Variants in MPP3 observed in about 807,000 individuals in gnomAD.
MPP3 encodes MAGUK p55 subfamily member 3.
In MPP3, 48 loss-of-function variants were observed where a neutral mutation model predicts 80.7. The ratio of observed to expected loss-of-function variants is 0.59; its 90% CI spans 0.47 to 0.76. The LOEUF is 0.76. Among genes scored for constraint, MPP3 ranks in the 30% least tolerant of loss-of-function variants. MPP3 has a pLI of 0.00. For missense variants in MPP3, 620 were observed against 763.0 expected (o/e 0.81, Z 2.21); for synonymous variants, 311 against 297.6 (o/e 1.04, Z -0.46).
Position 43,801,343 on chromosome 17 carries a change from A to AC in MPP3, c.*357_*358insG, listed in dbSNP as rs373695796. On this transcript the variant is annotated 3_prime_UTR_variant, in exon 20 of 20. Transcript: ENST00000398389. ...AACTACTAAGCGTCACTATGTTTAA[A>AC]AAGCTTAAACATTCTGCGAATCAGT... The AC allele has an allele frequency of 2.2e-4, 38 of 173,210 alleles. No homozygotes were observed. The highest frequency in any genetic ancestry group is 7.0e-4 in the Admixed American group (11 of 15,724). 10.7% of individuals were successfully genotyped at this position (173,210 alleles called of 1,614,324 possible).
chr17:43,813,983 A>G (rs1440874030), intron 16 of MPP3, 28 bp downstream of exon 16: 16 of 1,557,988 alleles, frequency 1.0e-5, no homozygotes, highest in Non-Finnish European at 1.4e-5. Context: ...GTGCAGACAA[A>G]CACACACTCC....
intron 14 of MPP3, among the ~76,000 whole-genome samples, chr17:43,815,577 G>A (rs1254364566): frequency 1.3e-5 from 2 of 152,070 alleles, no homozygotes; most frequent in East Asian, 1.9e-4. Context: ...CTGCACTCCA[G>A]CGTGAGAGAC....
chr17:43,818,195 C>A, intron 11 of MPP3, 85 bp from the exon 12 acceptor site: 1 of 1,271,154 alleles, frequency 7.9e-7, no homozygotes, highest in South Asian at 1.7e-5. Context: ...CTTGGGAAGC[C>A]AAGGCCTGGA....
chr17:43,829,978 A>C, intron 6 of MPP3, 49 bp downstream of exon 6: 1 of 1,588,728 alleles, frequency 6.3e-7, no homozygotes, highest in Non-Finnish European at 8.6e-7. Flanking sequence ...CTCCGCCCCC[A>C]TCCCAGGAGA....
intron 12 of MPP3, among the ~76,000 whole-genome samples, chr17:43,817,547 CATACTT>C (rs1258386579): frequency 2.0e-5 from 3 of 152,162 alleles, no homozygotes; most frequent in East Asian, 1.9e-4. Flanking sequence ...TACATAAAAA[CATACTT>C]ATACTAGAAA....
At chr17:43,810,655 A>G in intron 18 of MPP3, 152 bp downstream of exon 18, 1 of 627,292 alleles carries the variant, frequency 1.6e-6, no homozygotes, top group Admixed American at 2.9e-5. Context: ...CAAGGCTTTC[A>G]TTTGATTCTC....
rs752903257 is a variant in MPP3, at chr17:43,825,839, G to C, written c.526C>G (p.Leu176Val). 3 of 1,602,880 alleles carry C rather than the reference G, an allele frequency of 1.9e-6. No individual in the cohort carries two copies. In the South Asian group the frequency reaches 3.3e-5, roughly 18 times the overall value. The part of the protein sequence containing the change: ...MRGGAADRSG[L>V]VHVGDELREV... ...CGGAGCTCATCTCCAACGTGGACCA[G>C]GCCTAGGAGACACAGGGACTGACCA... is the stretch of plus-strand genomic sequence containing the variant. The change falls in exon 9 of 20, where the codon CTG (leucine) becomes GTG (valine). Residue 176 changes from leucine (L) to valine (V), a missense_variant and splice_region_variant. Transcript: ENST00000398389.
chr17:43,817,741 C>T (rs1037853960), intron 12 of MPP3, among the ~76,000 whole-genome samples: 2 of 152,208 alleles, frequency 1.3e-5, no homozygotes, highest in African/African-American at 2.4e-5. Context: ...GGGAATCTAA[C>T]GAAAGCTGTG....
chr17:43,828,384 G>A (rs571536593), intron 7 of MPP3, among the ~76,000 whole-genome samples: 23 of 152,296 alleles, frequency 1.5e-4, no homozygotes, highest in South Asian at 2.1e-4. Context: ...ACGAGCCCTC[G>A]ATTTCCTGCA....
At position 43,829,770 on chromosome 17, in the gene MPP3, T is replaced by C. The variant is rs1410041894; in HGVS notation, c.325A>G (p.Thr109Ala). Residue 109 changes from threonine to alanine, a missense_variant, in exon 7 of 20, where the codon ACG (threonine) becomes GCG (alanine). Thr to Ala is a moderately conservative substitution (Grantham distance 58). Transcript: ENST00000398389. Reference sequence around the variant, plus strand: ...GGGTCAAAATTCTTCTGGGCAACCGTGTCATGTACCATGAGCACAGCCTGC... The same window carrying C: ...GGGTCAAAATTCTTCTGGGCAACCGCGTCATGTACCATGAGCACAGCCTGC... Reference protein sequence around the residue: ...HLRAVLMVHDTVAQKNFDPVL... With the variant: ...HLRAVLMVHDAVAQKNFDPVL... 1.9e-6 allele frequency: 3 copies of C among 1,613,812 alleles called. No individual in the cohort carries two copies. The South Asian group carries it at 3.3e-5, about 18-fold the overall frequency.
In MPP3 at chr17:43,827,806, G is replaced by A. The variant is rs1245808550; in HGVS notation, c.468C>T (p.His156=). The change falls in exon 8 of 20, where the codon CAC becomes CAT. Residue 156 remains histidine (H), a synonymous_variant. Transcript: ENST00000398389. ...TCCTGGCCACCACAACAGCCCCTGA[G>A]TGCTCGTCCCGCCGGATGGTGGCAC... The part of the protein sequence containing the change: ...PLGATIRRDE[H]SGAVVVARIM... The A allele has an allele frequency of 4.3e-6, 7 of 1,613,104 alleles. No individual in the cohort carries two copies. The African/African-American group carries it at 5.3e-5, about 12-fold the overall frequency.
In MPP3 at chr17:43,829,747, G is replaced by A. The variant is rs554250915; in HGVS notation, c.348C>T (p.Asp116=). The change falls in exon 7 of 20, where the codon GAC becomes GAT. Residue 116 remains aspartate (D), a synonymous_variant. Transcript: ENST00000398389. ...VHDTVAQKNF[D]PVLPPLPDNI... is the part of the protein sequence containing the mutation. ...TGTCAGGCAGAGGCGGGAGAACGGGGTCAAAATTCTTCTGGGCAACCGTGT... is the reference window on the plus strand; with the variant it reads ...TGTCAGGCAGAGGCGGGAGAACGGGATCAAAATTCTTCTGGGCAACCGTGT... 37 of 1,614,050 alleles carry A rather than the reference G, an allele frequency of 2.3e-5. No individual in the cohort carries two copies. In the South Asian group the frequency reaches 3.8e-4, roughly 17 times the overall value.
intron 13 of MPP3, 30 bp from the exon 14 acceptor site, chr17:43,816,109 G>A: frequency 6.6e-7 from 1 of 1,506,450 alleles, no homozygotes; most frequent in East Asian, 2.6e-5. Flanking sequence ...AGGGAAGCCA[G>A]TGAGTCCCAC....
Position 43,801,805 on chromosome 17 carries a change from C to G in MPP3, c.1654G>C (p.Val552Leu), listed in dbSNP as rs753720984. Reference sequence around the variant, plus strand: ...CCCTGGAGATCCTCCTTCACCAGCACGGCGTCTACCAGGTGCCCGTAATGC... The same window carrying G: ...CCCTGGAGATCCTCCTTCACCAGCAGGGCGTCTACCAGGTGCCCGTAATGC... Reference protein sequence around the residue: ...DRHYGHLVDAVLVKEDLQGAY... With the variant: ...DRHYGHLVDALLVKEDLQGAY... The change falls in exon 20 of 20, where the codon GTG (valine) becomes CTG (leucine). Residue 552 changes from valine (V) to leucine (L), a missense_variant. Transcript: ENST00000398389. 1.9e-6 allele frequency: 3 copies of G among 1,614,040 alleles called. No individual in the cohort carries two copies. Among genetic ancestry groups the G allele is most frequent in the African/African-American group, 2.7e-5 (2 of 74,936 alleles).
chr17:43,807,831 A>C (rs1481353847), intron 19 of MPP3, among the ~76,000 whole-genome samples: 1 of 151,976 alleles, frequency 6.6e-6, no homozygotes, highest in Non-Finnish European at 1.5e-5. Flanking sequence ...TTGATGGTAC[A>C]TGCCTGTAGT....
At chr17:43,824,600 A>G (rs2045612914) in intron 9 of MPP3, among the ~76,000 whole-genome samples, 1 of 152,114 alleles carries the variant, frequency 6.6e-6, no homozygotes, top group African/African-American at 2.4e-5. Context: ...TCGGACCAGG[A>G]CAGCAGGGCC....
At chr17:43,808,894 A>C (rs1323297465) in intron 19 of MPP3, 62 bp downstream of exon 19, 1 of 1,550,740 alleles carries the variant, frequency 6.4e-7, no homozygotes, top group African/African-American at 1.4e-5. Context: ...ATGCAGCTAG[A>C]AGCGTTCCTG....
At chr17:43,830,162 C>T in intron 5 of MPP3, 55 bp from the exon 6 acceptor site, 12 of 1,330,220 alleles carry the variant, frequency 9.0e-6, no homozygotes, top group Non-Finnish European at 1.1e-5. Flanking sequence ...TGCCCCATAT[C>T]TGCTGGGTCC....
chr17:43,820,640 A>ACACACACACACG (rs2045405412), intron 11 of MPP3, among the ~76,000 whole-genome samples: 1 of 113,364 alleles, frequency 8.8e-6, no homozygotes, highest in African/African-American at 3.5e-5. Flanking sequence ...ACACACACAC[A>ACACACACACACG]TTAACTTAAT....
Sources: allele counts gnomAD v4.1 joint callset (sites outside exome capture counted in the v4.1 genomes callset), GRCh38; gene constraint gnomAD v4.1.1; transcripts MANE v1.5; gene names NCBI Gene and HGNC (gene_info 2026-07-23, HGNC 2026-07-21).